The following FRMPD4 variants were observed in gnomAD, a reference collection of about 807,000 sequenced individuals.
FRMPD4 encodes the protein FERM and PDZ domain-containing protein 4.
FRMPD4 carries 22 observed loss-of-function variants against 94.1 expected under a neutral mutation model. That is an observed-to-expected ratio of 0.23 (90% CI 0.17 to 0.33). The LOEUF is 0.33. FRMPD4 is among the 10% of genes least tolerant of loss of function. FRMPD4 has a pLI of 1.00. For synonymous variants in FRMPD4, 631 were observed against 548.6 expected, an observed-to-expected ratio of 1.15 and a Z score of -2.10; for missense variants, 1,111 against 1,339.9, an observed-to-expected ratio of 0.83 and a Z score of 2.67.
chrX:11,837,841 G>A (rs2053510161), intron 1 of FRMPD4, among the ~76,000 whole-genome samples: 1 of 111,285 alleles, frequency 9.0e-6, no homozygotes, highest in Non-Finnish European at 1.9e-5. Context: ...TAGGAGAATC[G>A]CTCAGTCTCA....
chrX:11,828,618 A>G (rs954904703), intron 1 of FRMPD4, among the ~76,000 whole-genome samples: 1 of 112,119 alleles, frequency 8.9e-6, no homozygotes, highest in African/African-American at 3.2e-5. Context: ...GAAAGTGGGC[A>G]AATGCTGCTG....
At chrX:12,553,504 G>A (rs781769736) in intron 2 of FRMPD4, among the ~76,000 whole-genome samples, 67 of 93,368 alleles carry the variant, frequency 7.2e-4, no homozygotes, top group African/African-American at 2.5e-3. Flanking sequence ...CATACTTCAT[G>A]TAGCATTTGC....
At chrX:12,018,998 A>G (rs1183124264) in intron 3 of FRMPD4, among the ~76,000 whole-genome samples, 1 of 111,576 alleles carries the variant, frequency 9.0e-6, no homozygotes, top group Non-Finnish European at 1.9e-5. Context: ...TCTATTAAGT[A>G]TTACTCCCAC....
At chrX:12,092,980 G>A (rs1161144804) in intron 3 of FRMPD4, among the ~76,000 whole-genome samples, 1 of 111,456 alleles carries the variant, frequency 9.0e-6, no homozygotes, top group Non-Finnish European at 1.9e-5. Context: ...AGGTGAGAGA[G>A]CAAGTAATCA....
chrX:12,614,204 C>T (rs2059212532), intron 3 of FRMPD4: 2 of 111,616 alleles, frequency 1.8e-5, no homozygotes, highest in Admixed American at 9.5e-5. Context: ...ATCCGAACAC[C>T]CTTTTACTGA....
intron 7 of FRMPD4, among the ~76,000 whole-genome samples, chrX:12,686,538 G>A (rs908893806): frequency 8.9e-6 from 1 of 112,025 alleles, no homozygotes; most frequent in East Asian, 2.8e-4. Flanking sequence ...CCTGCCCAAG[G>A]CCAGCATGAT....
chrX:11,826,795 C>T (rs181987998), intron 1 of FRMPD4, among the ~76,000 whole-genome samples: 51 of 110,822 alleles, frequency 4.6e-4, no homozygotes, highest in African/African-American at 1.3e-3. Flanking sequence ...ATAATTAGAT[C>T]TGTCTGTAAG....
chrX:12,131,777 T>C (rs769709824), intron 3 of FRMPD4, among the ~76,000 whole-genome samples: 6 of 112,156 alleles, frequency 5.3e-5, no homozygotes, highest in Non-Finnish European at 1.1e-4. Flanking sequence ...GTAAGAATTA[T>C]TGTCATCACT....
chrX:12,411,297 C>G (rs944859164), intron 1 of FRMPD4, among the ~76,000 whole-genome samples: 1 of 112,122 alleles, frequency 8.9e-6, no homozygotes, highest in African/African-American at 3.2e-5. Context: ...GCATTTGTCC[C>G]TTTGCTAGCA....
At chrX:12,571,371 A>T (rs1323127687) in intron 2 of FRMPD4, among the ~76,000 whole-genome samples, 1 of 112,759 alleles carries the variant, frequency 8.9e-6, no homozygotes, top group Admixed American at 9.4e-5. Flanking sequence ...GTTAACTGTG[A>T]ATTTACATGA....
At chrX:12,048,573 C>T (rs2054798958) in intron 3 of FRMPD4, among the ~76,000 whole-genome samples, 1 of 111,453 alleles carries the variant, frequency 9.0e-6, no homozygotes, top group Admixed American at 9.6e-5. Context: ...TGAAAATGAC[C>T]AGAAAGGTGT....
chrX:12,003,063 C>T (rs976787320), intron 3 of FRMPD4, among the ~76,000 whole-genome samples: 9 of 111,311 alleles, frequency 8.1e-5, no homozygotes, highest in Non-Finnish European at 1.7e-4. Flanking sequence ...ACTCATAGCA[C>T]ACCCCCATTC....
chrX:12,638,332 G>A (rs1381234863), intron 4 of FRMPD4, among the ~76,000 whole-genome samples: 1 of 112,099 alleles, frequency 8.9e-6, no homozygotes, highest in African/African-American at 3.2e-5. Flanking sequence ...CTGCACCTGG[G>A]CTCAAGAGAC....
intron 3 of FRMPD4, among the ~76,000 whole-genome samples, chrX:12,030,369 C>A (rs1458694130): frequency 8.9e-6 from 1 of 112,238 alleles, no homozygotes. Flanking sequence ...GAGACATCCC[C>A]AGGTAGACCT....
intron 1 of FRMPD4, among the ~76,000 whole-genome samples, chrX:12,463,433 G>T (rs1048806226): frequency 8.9e-6 from 1 of 111,802 alleles, no homozygotes; most frequent in Non-Finnish European, 1.9e-5. Flanking sequence ...ATGTTCCTTT[G>T]CAATACTTCC....
At chrX:12,045,905 AG>A (rs1366897531) in intron 3 of FRMPD4, among the ~76,000 whole-genome samples, 1 of 111,720 alleles carries the variant, frequency 9.0e-6, no homozygotes, top group Non-Finnish European at 1.9e-5. Flanking sequence ...GTATTTTCAG[AG>A]TTAAATTGCT....
At chrX:12,179,496 C>T (rs1367793599) in intron 1 of FRMPD4, among the ~76,000 whole-genome samples, 2 of 111,600 alleles carry the variant, frequency 1.8e-5, no homozygotes, top group East Asian at 2.8e-4. Flanking sequence ...AAGTTATCAA[C>T]GTATAGATTA....
At chrX:12,074,963 A>G (rs1463612578) in intron 3 of FRMPD4, among the ~76,000 whole-genome samples, 2 of 112,493 alleles carry the variant, frequency 1.8e-5, no homozygotes, top group Non-Finnish European at 3.8e-5. Context: ...TCAATGATAA[A>G]AAAGCTGAAG....
intron 1 of FRMPD4, among the ~76,000 whole-genome samples, chrX:12,281,714 G>A (rs910646070): frequency 2.7e-5 from 3 of 111,833 alleles, no homozygotes; most frequent in Non-Finnish European, 5.6e-5. Context: ...GCAAACTTTT[G>A]TTGTTGTTAG....
Sources: allele counts gnomAD v4.1 joint callset (sites outside exome capture counted in the v4.1 genomes callset), GRCh38; gene constraint gnomAD v4.1.1; transcripts MANE v1.5; gene names NCBI Gene and HGNC (gene_info 2026-07-23, HGNC 2026-07-21).